The following ACO2 variants were observed in gnomAD, a reference collection of about 807,000 sequenced individuals.
ACO2 encodes aconitase 2.
ACO2 carries 31 observed loss-of-function variants against 84.5 expected under a neutral mutation model. The ratio of observed to expected loss-of-function variants is 0.37; its 90% confidence interval spans 0.28 to 0.50. The LOEUF (loss-of-function observed/expected upper bound fraction) is 0.50. Ranked by LOEUF, ACO2 falls within the 20% of genes least tolerant of loss-of-function variation. The pLI is 0.97. For synonymous variants in ACO2, 414 were observed against 412.7 expected (o/e 1.00, Z -0.04); for missense variants, 685 against 1,029.3 (o/e 0.67, Z 4.58).
chr22:41,481,929 A>T (rs977231867), intron 1 of ACO2, among the ~76,000 whole-genome samples: 2 of 152,162 alleles, frequency 1.3e-5, no homozygotes, highest in Non-Finnish European at 2.9e-5. Flanking sequence ...TTACTTTCCC[A>T]TCTGGTCCAA....
chr22:41,528,576 G>A lies in ACO2; in HGVS notation c.2306G>A (p.Gly769Asp). 6.2e-7 allele frequency: 1 copy of A among 1,612,690 alleles called. No individual in the cohort carries two copies. The highest frequency in any genetic ancestry group is 8.5e-7 in the Non-Finnish European group (1 of 1,180,006). The change falls in exon 18 of 18, where the codon GGC (glycine) becomes GAC (aspartate). Residue 769 changes from glycine to aspartate, a missense_variant. Around this residue, in one of 5 missense-constraint regions of ACO2, gnomAD observed 174 missense variants for 236.6 expected, o/e 0.74. Transcript: ENST00000216254. ...ACGCAGATTGAGTGGTTCCGCGCTGGCAGTGCCCTCAACAGAATGAAGGAA... is the reference window on the plus strand; with the variant it reads ...ACGCAGATTGAGTGGTTCCGCGCTGACAGTGCCCTCAACAGAATGAAGGAA... The part of the protein sequence containing the change: ...NETQIEWFRA[G>D]SALNRMKELQ...
chr22:41,484,163 C>T (rs1226900721), intron 1 of ACO2, among the ~76,000 whole-genome samples: 1 of 152,168 alleles, frequency 6.6e-6, no homozygotes, highest in Non-Finnish European at 1.5e-5. Flanking sequence ...AAAGATGTTA[C>T]TCTGATCAAA....
intron 9 of ACO2, chr22:41,521,447 A>G (rs924581516): frequency 2.0e-5 from 3 of 152,224 alleles, no homozygotes; most frequent in African/African-American, 7.2e-5. Flanking sequence ...TGAGCAAACT[A>G]CTTCACTGTC....
intron 1 of ACO2, among the ~76,000 whole-genome samples, chr22:41,477,725 C>T (rs745418053): frequency 2.0e-5 from 3 of 152,058 alleles, no homozygotes; most frequent in East Asian, 1.9e-4. Flanking sequence ...GCAGATGGCC[C>T]GCGGCATCCA....
At chr22:41,499,593 A>G in intron 1 of ACO2, 133 bp from the exon 2 acceptor site, 1 of 959,920 alleles carries the variant, frequency 1.0e-6, no homozygotes, top group Non-Finnish European at 1.5e-6. Flanking sequence ...GCAGATGAGG[A>G]AGCTGAGGCT....
intron 14 of ACO2, chr22:41,525,672 T>G: frequency 3.0e-6 from 1 of 337,614 alleles, no homozygotes; most frequent in Non-Finnish European, 5.6e-6. Flanking sequence ...GTGTGTGTGA[T>G]TGCACAGCAG....
At chr22:41,527,698 G>A in intron 16 of ACO2, 1 of 835,746 alleles carries the variant, frequency 1.2e-6, no homozygotes, top group Admixed American at 2.9e-5. Context: ...GCAGCAGGAA[G>A]GCCTCGCAGA....
intron 12 of ACO2, 124 bp from the exon 13 acceptor site, chr22:41,524,722 G>T: frequency 1.4e-6 from 2 of 1,458,684 alleles, no homozygotes. Flanking sequence ...AGGAACACAG[G>T]GGTCTGGGAA....
Position 41,515,668 on chromosome 22 carries a change from C to T in ACO2, c.685-99C>T. 1 of 1,597,884 alleles carries T rather than the reference C, an allele frequency of 6.3e-7. No homozygotes were observed. Among genetic ancestry groups the T allele is most frequent in the Non-Finnish European group, 8.5e-7 (1 of 1,169,870 alleles). On this transcript the variant is annotated intron_variant, in intron 5 of 17. Transcript: ENST00000216254. This position sits in a 1 kb window ranked among gnomAD's most constrained non-coding sequence, Gnocchi z 5.8. Reference sequence around the variant, plus strand: ...AATCTTCTGGGAGGGAGGTAGAGACCAATAAGCAGCAATGTGAATGGCAGC... The same window carrying T: ...AATCTTCTGGGAGGGAGGTAGAGACTAATAAGCAGCAATGTGAATGGCAGC...
Position 41,526,859 on chromosome 22 carries a change from C to G in ACO2, c.1953+406C>G. 1.6e-5 allele frequency: 5 copies of G among 306,268 alleles called. No homozygotes were observed. In the South Asian group the frequency reaches 2.2e-4, roughly 14 times the overall value. 19.0% of individuals were successfully genotyped at this position (306,268 alleles called of 1,614,324 possible). On this transcript the variant is annotated intron_variant, in intron 15 of 17. Transcript: ENST00000216254. ...AAACAAACAGAACCAGGGCTGAACC[C>G]AAGTCCTGGCCCAGCCGGGTGAAAG...
intron 2 of ACO2, among the ~76,000 whole-genome samples, chr22:41,506,713 A>T (rs2066396063): frequency 6.6e-6 from 1 of 151,598 alleles, no homozygotes; most frequent in African/African-American, 2.4e-5. Flanking sequence ...AGAGCTTCTG[A>T]CTCCCAGTCT....
intron 3 of ACO2, among the ~76,000 whole-genome samples, chr22:41,509,815 C>CTTTTTTT (rs137832): frequency 1.9e-5 from 2 of 107,906 alleles, no homozygotes; most frequent in African/African-American, 7.1e-5. Context: ...AGAATATGGT[C>CTTTTTTT]TTTTTTTTTT....
intron 1 of ACO2, among the ~76,000 whole-genome samples, chr22:41,492,553 C>T (rs1383083213): frequency 1.3e-5 from 2 of 152,166 alleles, no homozygotes; most frequent in African/African-American, 2.4e-5. Context: ...GCAGGCAGAT[C>T]ACCTGAGTTT....
Position 41,504,711 on chromosome 22 carries a change from C to CTTTTTTTTTTTTTTTT in ACO2, c.174-3065_174-3050dup, listed in dbSNP as rs926246283. Reference sequence around the variant, plus strand: ...GCCAGCAGATCCAGCACCTTAGGGACTTTTTTTTTTTTTTTTTTTTTTTTT... The same window carrying CTTTTTTTTTTTTTTTT: ...GCCAGCAGATCCAGCACCTTAGGGACTTTTTTTTTTTTTTTTTTTTTTTTTTTTTTTTTTTTTTTTT... On this transcript the variant is annotated intron_variant, in intron 2 of 17. Coordinates refer to ENST00000216254, the MANE Select transcript of ACO2 (RefSeq NM_001098.3). Among the ~76,000 whole-genome samples, 2 of 48,604 alleles carry CTTTTTTTTTTTTTTTT rather than the reference C, an allele frequency of 4.1e-5. 1 individual carries two copies. The highest frequency in any genetic ancestry group is 1.5e-4 in the African/African-American group (2 of 12,910). 31.9% of individuals were successfully genotyped at this position (48,604 alleles called of 152,430 possible).
At chr22:41,516,801 C>A (rs1242362178) in intron 6 of ACO2, among the ~76,000 whole-genome samples, 1 of 152,210 alleles carries the variant, frequency 6.6e-6, no homozygotes, top group East Asian at 1.9e-4. Context: ...CGGCTCACTA[C>A]AACCTCCGCC....
chr22:41,518,497 T>C lies in ACO2; in HGVS notation c.957T>C (p.Ala319=). 3.1e-6 allele frequency: 5 copies of C among 1,613,644 alleles called. No individual in the cohort carries two copies. Among genetic ancestry groups the C allele is most frequent in the Middle Eastern group, 1.7e-4 (1 of 5,918 alleles). The stretch of plus-strand genomic sequence containing the variant: ...TGATTTCAGACATTGCCAATCTAGC[T>C]GATGAATTCAAGGATCACTTGGTGC... ...KTGREDIANL[A]DEFKDHLVPD... Residue 319 remains alanine (A), a synonymous_variant, in exon 8 of 18, where the codon GCT becomes GCC. Coordinates refer to ENST00000216254, the MANE Select transcript of ACO2 (RefSeq NM_001098.3).
At chr22:41,513,807 G>T (rs1437868986) in intron 4 of ACO2, among the ~76,000 whole-genome samples, 23 of 152,046 alleles carry the variant, frequency 1.5e-4, no homozygotes, top group Admixed American at 1.5e-3. Flanking sequence ...CTTCTTCCCA[G>T]CCCTCACCCC....
chr22:41,511,910 C>G lies in ACO2; in HGVS notation c.467C>G (p.Thr156Ser). ...CAGGAAGTTTATAATTTCCTGGCAA[C>G]TGCAGGTGCCAAATATGGCGTGGGC... ...INQEVYNFLA[T>S]AGAKYGVGFW... The change falls in exon 4 of 18, where the codon ACT (threonine) becomes AGT (serine). Residue 156 changes from threonine to serine, a missense_variant. Thr to Ser is a moderately conservative substitution (Grantham distance 58). Transcript: ENST00000216254. 6.2e-7 allele frequency: 1 copy of G among 1,611,284 alleles called. No homozygotes were observed.
intron 2 of ACO2, among the ~76,000 whole-genome samples, chr22:41,500,385 A>G (rs1338093227): frequency 6.8e-6 from 1 of 148,008 alleles, no homozygotes; most frequent in African/African-American, 2.5e-5. Context: ...AAAAATATAT[A>G]TAAATATATA....
Sources: gnomAD v4.1 joint callset for allele counts (sites outside exome capture counted in the v4.1 genomes callset) on GRCh38, gnomAD v4.1.1 for gene constraint, gnomAD v4.1.1 regional missense constraint, Gnocchi (gnomAD v3.1) non-coding constraint, MANE v1.5 for transcripts, NCBI Gene and HGNC (gene_info 2026-07-23, HGNC 2026-07-21) for gene names.